IQSEC3: variants seen among roughly 807,000 people sequenced by gnomAD.
The protein encoded by IQSEC3 is IQ motif and SEC7 domain-containing protein 3.
In IQSEC3, 50 loss-of-function variants were observed where a neutral mutation model predicts 105.4. The observed-to-expected ratio is 0.47, with a 90% CI of 0.38 to 0.60. The LOEUF (loss-of-function observed/expected upper bound fraction) is 0.60. Among genes scored for constraint, IQSEC3 ranks in the 20% least tolerant of loss-of-function variants. The pLI is 0.00. For synonymous variants in IQSEC3, 708 were observed against 746.0 expected (o/e 0.95, Z 0.83); for missense variants, 1,415 against 1,630.0 (o/e 0.87, Z 2.27).
intron 1 of IQSEC3, among the ~76,000 whole-genome samples, chr12:79,001 C>G (rs1302376328): frequency 1.3e-5 from 2 of 152,216 alleles, no homozygotes; most frequent in Non-Finnish European, 2.9e-5. Flanking sequence ...TATTTGAAGG[C>G]AGATAGCCAT....
At chr12:102,076 AGGCTCCTCCCCCATCAGTCT>A (rs1565395881) in intron 2 of IQSEC3, among the ~76,000 whole-genome samples, 57 of 150,814 alleles carry the variant, frequency 3.8e-4, no homozygotes, top group African/African-American at 8.6e-4. Context: ...GAGACAAGCC[AGGCTCCTCCCCCATCAGTCT>A]GGCTCCTCCC....
intron 13 of IQSEC3, 80 bp from the exon 14 acceptor site, chr12:174,519 G>GGAGGCACAGGGCA (rs1233246974): frequency 1.6e-6 from 2 of 1,287,080 alleles, no homozygotes; most frequent in African/African-American, 3.0e-5. Flanking sequence ...GGAGGCCAGG[G>GGAGGCACAGGGCA]GAGGCACAGG....
intron 1 of IQSEC3, among the ~76,000 whole-genome samples, chr12:98,656 A>G (rs1555075291): frequency 1.3e-5 from 2 of 152,190 alleles, no homozygotes; most frequent in African/African-American, 2.4e-5. Context: ...AGCTGGCAAC[A>G]CTGAAGTCCC....
intron 1 of IQSEC3, among the ~76,000 whole-genome samples, chr12:70,433 G>C (rs1863268992): frequency 6.6e-6 from 1 of 152,264 alleles, no homozygotes. Context: ...AGATATTATG[G>C]AAGAAAAACA....
chr12:126,035 AG>A, intron 3 of IQSEC3, 123 bp downstream of exon 3: 1 of 1,047,394 alleles, frequency 9.5e-7, no homozygotes, highest in Non-Finnish European at 1.3e-6. Flanking sequence ...CTTTTGCCAC[AG>A]TTCTCCTGCA....
intron 2 of IQSEC3, among the ~76,000 whole-genome samples, chr12:103,404 G>A (rs1464325475): frequency 7.5e-6 from 1 of 132,902 alleles, no homozygotes; most frequent in Non-Finnish European, 1.6e-5. Context: ...CTCAGAAGAC[G>A]AAGTGGGGCT....
chr12:74,961 G>A (rs1186026201), intron 1 of IQSEC3, among the ~76,000 whole-genome samples: 1 of 152,276 alleles, frequency 6.6e-6, no homozygotes, highest in East Asian at 1.9e-4. Context: ...CATCAGGGCT[G>A]CTTCACAGGT....
At chr12:123,201 T>C (rs1458139386) in intron 2 of IQSEC3, among the ~76,000 whole-genome samples, 1 of 152,016 alleles carries the variant, frequency 6.6e-6, no homozygotes, top group Non-Finnish European at 1.5e-5. Flanking sequence ...GCCCAGGAGT[T>C]CAAGACTAGA....
chr12:135,133 G>GA (rs553860513), intron 3 of IQSEC3, among the ~76,000 whole-genome samples: 30 of 148,478 alleles, frequency 2.0e-4, no homozygotes, highest in Admixed American at 4.0e-4. Context: ...CCATCTCAAA[G>GA]AAAAAAAAAA....
intron 1 of IQSEC3, among the ~76,000 whole-genome samples, chr12:89,265 C>T (rs1555072810): frequency 6.6e-6 from 1 of 152,098 alleles, no homozygotes; most frequent in Non-Finnish European, 1.5e-5. Flanking sequence ...AAAATACAAT[C>T]TAGCAGTTGA....
intron 3 of IQSEC3, among the ~76,000 whole-genome samples, chr12:127,618 C>T (rs1865459231): frequency 6.6e-6 from 1 of 152,044 alleles, no homozygotes; most frequent in Non-Finnish European, 1.5e-5. Flanking sequence ...TAAAATTCTG[C>T]TCCCAGCTTC....
chr12:163,000 G>A (rs925731684), intron 8 of IQSEC3, among the ~76,000 whole-genome samples: 1 of 152,050 alleles, frequency 6.6e-6, no homozygotes, highest in African/African-American at 2.4e-5. Context: ...GGCTCAGTGG[G>A]CCCCTTCTCT....
intron 1 of IQSEC3, among the ~76,000 whole-genome samples, chr12:69,957 C>T (rs1406104448): frequency 6.6e-6 from 1 of 152,266 alleles, no homozygotes; most frequent in African/African-American, 2.4e-5. Context: ...GAGAGCAGAG[C>T]CAGCAGCCCC....
At chr12:125,980 T>C (rs1287921124) in intron 3 of IQSEC3, 68 bp downstream of exon 3, 6 of 1,429,072 alleles carry the variant, frequency 4.2e-6, no homozygotes, top group South Asian at 2.6e-5. Context: ...CTGTCGAGGG[T>C]ACCAGGGATA....
chr12:165,844 G>C lies in IQSEC3; in HGVS notation c.2925G>C (p.Lys975Asn). The change falls in exon 11 of 14, where the codon AAG becomes AAC. Residue 975 changes from lysine to asparagine, a missense_variant. This residue lies in a region of IQSEC3 where 419 missense variants were observed against 436.2 expected (regional missense o/e 0.96). Transcript: ENST00000538872. ...TGCAGAAGTTCGTGGAGGACCTGAA[G>C]GAGTCCATTGCTGAGGTGACGGAGC... is the stretch of plus-strand genomic sequence containing the variant. ...DEMQKFVEDL[K>N]ESIAEVTELE... The C allele has an allele frequency of 6.2e-7, 1 of 1,614,118 alleles. No individual in the cohort carries two copies. The highest frequency in any genetic ancestry group is 8.5e-7 in the Non-Finnish European group (1 of 1,180,030).
chr12:69,775 A>G (rs1461984228), intron 1 of IQSEC3, among the ~76,000 whole-genome samples: 2 of 152,252 alleles, frequency 1.3e-5, no homozygotes, highest in Non-Finnish European at 2.9e-5. Context: ...TTCCCCACAG[A>G]GCTCAGGACG....
intron 12 of IQSEC3, among the ~76,000 whole-genome samples, chr12:170,730 G>A (rs559196881): frequency 1.3e-3 from 201 of 152,374 alleles, no homozygotes; most frequent in African/African-American, 4.5e-3. Flanking sequence ...AGTCTGCAGG[G>A]CTGGAGCAAA....
rs528402959 is a variant in IQSEC3, at chr12:96,628, T to G, written c.555-2518T>G. On this transcript the variant is annotated intron_variant, in intron 1 of 13. Transcript: ENST00000538872. ...GCTATACTAGAGTCAGGTTGGAATT[T>G]GCTACAAATTTGTCTTATTGCTACA... is the stretch of plus-strand genomic sequence containing the variant. Among the ~76,000 whole-genome samples, 5 of 152,362 alleles carry G rather than the reference T, an allele frequency of 3.3e-5. No homozygotes were observed. In the South Asian group the frequency reaches 1.0e-3, roughly 32 times the overall value.
intron 1 of IQSEC3, among the ~76,000 whole-genome samples, chr12:82,436 G>A (rs937536370): frequency 2.0e-4 from 31 of 152,188 alleles, no homozygotes; most frequent in African/African-American, 7.5e-4. Flanking sequence ...AAGAAATGGG[G>A]TGACCGCTGA....
Sources: gnomAD v4.1 joint callset for allele counts (sites outside exome capture counted in the v4.1 genomes callset) on GRCh38, gnomAD v4.1.1 for gene constraint, gnomAD v4.1.1 regional missense constraint, MANE v1.5 for transcripts, NCBI Gene and HGNC (gene_info 2026-07-23, HGNC 2026-07-21) for gene names.